The following UPP2 variants were observed in gnomAD, a reference collection of about 807,000 sequenced individuals.
The protein encoded by UPP2 is UPase 2.
A neutral mutation model predicts 26.7 loss-of-function variants in UPP2; 23 were observed. The ratio of observed to expected loss-of-function variants is 0.86; its 90% CI spans 0.62 to 1.22. The LOEUF (loss-of-function observed/expected upper bound fraction) is 1.22. UPP2 is among the 50% of genes most tolerant of loss of function. The probability of loss-of-function intolerance (pLI) is 0.00; values close to 1 mark genes in which losing one functional copy is unlikely to be tolerated. For synonymous variants in UPP2, 127 were observed against 141.3 expected (o/e 0.90, Z 0.72); for missense variants, 387 against 396.7 (o/e 0.98, Z 0.21).
chr2:158,119,839 A>T (rs1683525056), intron 4 of UPP2, among the ~76,000 whole-genome samples: 1 of 151,592 alleles, frequency 6.6e-6, no homozygotes, highest in South Asian at 2.1e-4. Flanking sequence ...GTGAAACCCC[A>T]TCTCTACTAA....
intron 3 of UPP2, among the ~76,000 whole-genome samples, chr2:158,045,685 G>A (rs928136489): frequency 1.3e-5 from 2 of 152,190 alleles, no homozygotes. Context: ...AGAGGAAACA[G>A]AGTTTGGGGA....
At chr2:158,116,650 T>A (rs890769360) in intron 3 of UPP2, among the ~76,000 whole-genome samples, 6 of 152,224 alleles carry the variant, frequency 3.9e-5, no homozygotes, top group Admixed American at 3.3e-4. Context: ...ATGCGTAACA[T>A]AATAAGTGGC....
At chr2:158,042,150 A>G (rs1199189219) in intron 3 of UPP2, among the ~76,000 whole-genome samples, 1 of 152,196 alleles carries the variant, frequency 6.6e-6, no homozygotes, top group Admixed American at 6.5e-5. Flanking sequence ...CAGGCATAGA[A>G]AAAAGTTCCC....
intron 2 of UPP2, among the ~76,000 whole-genome samples, chr2:158,008,935 G>C (rs1051409414): frequency 6.6e-6 from 1 of 152,166 alleles, no homozygotes; most frequent in Admixed American, 6.5e-5. Flanking sequence ...ATTGGTGGCA[G>C]CTGTTCCTTA....
In UPP2 at chr2:158,121,409, G is replaced by C; in HGVS notation, c.455G>C (p.Gly152Ala). The C allele has an allele frequency of 6.2e-7, 1 of 1,610,634 alleles. No homozygotes were observed. Among genetic ancestry groups the C allele is most frequent in the Non-Finnish European group, 8.5e-7 (1 of 1,176,790 alleles). ...GTAATCATTTATTCCCACATTGCAG[G>C]GATTGCACCAGGGACTGTTGTAATA... ...IIRIGTSGGI[G>A]IAPGTVVITD... The change falls in exon 5 of 7, where the codon GGG (glycine) becomes GCG (alanine). Residue 152 changes from glycine (G) to alanine (A), a missense_variant and splice_region_variant. Physicochemically the swap from Gly to Ala is moderately conservative, Grantham distance 60. Transcript: ENST00000005756.
In UPP2 at chr2:158,117,841, C is replaced by A; in HGVS notation, c.357C>A (p.Pro119=). ...VLAISHGMGI[P]SISIMLHELI... is the part of the protein sequence containing the mutation. ...CTCAATAGCACGGCATGGGCATCCC[C>A]TCCATTTCTATTATGCTTCATGAAC... The change falls in exon 4 of 7, where the codon CCC becomes CCA. Residue 119 remains proline (P), a synonymous_variant. Transcript: ENST00000005756. 3 of 1,612,076 alleles carry A rather than the reference C, an allele frequency of 1.9e-6. No individual in the cohort carries two copies. Among genetic ancestry groups the A allele is most frequent in the Non-Finnish European group, 2.5e-6 (3 of 1,178,170 alleles).
At chr2:158,007,362 T>A (rs957122807) in intron 2 of UPP2, among the ~76,000 whole-genome samples, 1 of 152,216 alleles carries the variant, frequency 6.6e-6, no homozygotes, top group African/African-American at 2.4e-5. Flanking sequence ...CCACTCTGAC[T>A]TCAGTCTTTT....
At chr2:158,055,532 C>T (rs1682233494) in intron 3 of UPP2, among the ~76,000 whole-genome samples, 1 of 152,154 alleles carries the variant, frequency 6.6e-6, no homozygotes, top group South Asian at 2.1e-4. Context: ...GGATATACAT[C>T]CTCAGAGCTG....
intron 3 of UPP2, among the ~76,000 whole-genome samples, chr2:158,038,626 G>C (rs1186908189): frequency 5.3e-5 from 8 of 152,222 alleles, no homozygotes; most frequent in Admixed American, 5.2e-4. Flanking sequence ...AGAAAGAAAA[G>C]AGTTTGTGCT....
chr2:158,001,138 A>G (rs1683398604), intron 2 of UPP2, among the ~76,000 whole-genome samples: 1 of 152,150 alleles, frequency 6.6e-6, no homozygotes, highest in Non-Finnish European at 1.5e-5. Flanking sequence ...TGCCATTGCC[A>G]TTTCTCAAAT....
At chr2:158,076,875 A>C (rs1295500823) in intron 3 of UPP2, among the ~76,000 whole-genome samples, 2 of 152,124 alleles carry the variant, frequency 1.3e-5, no homozygotes, top group Admixed American at 6.6e-5. Context: ...GAAAGAAGTA[A>C]AATTATTCTT....
At chr2:158,123,352 C>T (rs1169063147) in intron 5 of UPP2, among the ~76,000 whole-genome samples, 1 of 104,078 alleles carries the variant, frequency 9.6e-6, no homozygotes, top group South Asian at 2.7e-4. Flanking sequence ...TCATCGAAAC[C>T]TCTTTTTTTT....
In UPP2 at chr2:158,133,906, C is replaced by G. The variant is rs187387356; in HGVS notation, c.812-842C>G. On this transcript the variant is annotated intron_variant, in intron 6 of 6. Transcript: ENST00000005756. The stretch of plus-strand genomic sequence containing the variant: ...CGTTAGCAATTCAAAGTGGCTAACA[C>G]TGATTTCAATGTGGGTAACCACATT... 1.3e-4 allele frequency: 20 copies of G among 152,298 alleles called. No homozygotes were observed. In the East Asian group the frequency reaches 3.9e-3, roughly 29 times the overall value. The allele number at this position is 152,298 out of a possible 1,614,324, so 9.4% of individuals were successfully genotyped here. A position where few individuals can be genotyped will look rare whatever the true frequency, so the allele number is the denominator to read the frequency against.
intron 3 of UPP2, among the ~76,000 whole-genome samples, chr2:158,061,149 A>T (rs1682345924): frequency 6.6e-6 from 1 of 152,234 alleles, no homozygotes; most frequent in Non-Finnish European, 1.5e-5. Context: ...CCCCAGTCAG[A>T]TTTCTTTCAG....
chr2:158,011,707 G>C (rs921312356), intron 2 of UPP2, among the ~76,000 whole-genome samples: 1 of 152,142 alleles, frequency 6.6e-6, no homozygotes, highest in Non-Finnish European at 1.5e-5. Flanking sequence ...GTTTAAAGAA[G>C]GAAGAGATGA....
intron 3 of UPP2, among the ~76,000 whole-genome samples, chr2:158,058,373 GCTCTCTCTCTCTCTCTCT>G (rs869246675): frequency 2.7e-5 from 1 of 37,604 alleles, no homozygotes; most frequent in South Asian, 6.3e-4. Context: ...ATGCTTGTAT[GCTCTCTCTCTCTCTCTCT>G]CTCTCTCTCT....
chr2:158,060,146 C>T (rs565506534), intron 3 of UPP2, among the ~76,000 whole-genome samples: 1 of 152,092 alleles, frequency 6.6e-6, no homozygotes, highest in East Asian at 1.9e-4. Flanking sequence ...TTGTGTTCAA[C>T]CTGAAGGTTG....
At chr2:158,016,900 G>A (rs1683668348) in intron 3 of UPP2, among the ~76,000 whole-genome samples, 1 of 152,090 alleles carries the variant, frequency 6.6e-6, no homozygotes. Context: ...AAGAATTGGT[G>A]ACTTGATTTT....
intron 3 of UPP2, among the ~76,000 whole-genome samples, chr2:158,017,404 T>C (rs1054218379): frequency 7.9e-5 from 12 of 151,996 alleles, no homozygotes; most frequent in Admixed American, 2.6e-4. Flanking sequence ...TTAGTACTTA[T>C]ATCTCTCCTG....
Sources: allele counts gnomAD v4.1 joint callset (sites outside exome capture counted in the v4.1 genomes callset), GRCh38; gene constraint gnomAD v4.1.1; transcripts MANE v1.5; gene names NCBI Gene and HGNC (gene_info 2026-07-23, HGNC 2026-07-21).